PHF11: variants seen among roughly 807,000 people sequenced by gnomAD.
The protein encoded by PHF11 is PHD finger protein 11, also known as BRCA1 C-terminus-associated protein.
PHF11 carries 38 observed loss-of-function variants against 40.5 expected under a neutral mutation model. The ratio of observed to expected loss-of-function variants is 0.94; its 90% CI spans 0.72 to 1.23. PHF11 has a LOEUF of 1.23. Among genes scored for constraint, PHF11 ranks in the 50% most tolerant of loss-of-function variants. The probability of loss-of-function intolerance (pLI) is 0.00; values close to 1 mark genes in which losing one functional copy is unlikely to be tolerated. For synonymous variants in PHF11, 127 were observed against 138.2 expected (o/e 0.92, Z 0.57); for missense variants, 369 against 392.4 (o/e 0.94, Z 0.50).
intron 8 of PHF11, chr13:49,525,907 G>T (rs562065036): frequency 4.8e-6 from 2 of 413,992 alleles, no homozygotes; most frequent in Non-Finnish European, 9.6e-6. Context: ...GGTGGCTCAC[G>T]CCTGTAATCC....
At chr13:49,524,291 A>C in intron 8 of PHF11, 75 bp downstream of exon 8, 1 of 656,264 alleles carries the variant, frequency 1.5e-6, no homozygotes. Context: ...CAAACCCAAG[A>C]AAAAAAAAAA....
chr13:49,526,060 T>C, intron 8 of PHF11: 1 of 334,960 alleles, frequency 3.0e-6, no homozygotes, highest in Non-Finnish European at 5.7e-6. Context: ...TCCCAACTAC[T>C]TGGGAGGCTG....
At chr13:49,525,816 G>C (rs925023347) in intron 8 of PHF11, 65 of 456,254 alleles carry the variant, frequency 1.4e-4, no homozygotes, top group Non-Finnish European at 2.7e-4. Flanking sequence ...CACCTGTAGG[G>C]CTGGTGAGGA....
chr13:49,521,191 G>A, intron 5 of PHF11: 1 of 1,133,094 alleles, frequency 8.8e-7, no homozygotes, highest in Non-Finnish European at 1.1e-6. Context: ...TACGCTCACA[G>A]AACCAAACTA....
intron 2 of PHF11, among the ~76,000 whole-genome samples, chr13:49,507,536 C>T (rs1023188585): frequency 6.6e-6 from 1 of 152,158 alleles, no homozygotes; most frequent in Non-Finnish European, 1.5e-5. Flanking sequence ...AATTGTTAGG[C>T]ACAGGAATGG....
intron 1 of PHF11, 89 bp from the exon 2 acceptor site, chr13:49,506,546 G>T: frequency 8.8e-7 from 1 of 1,140,670 alleles, no homozygotes. Context: ...AAAAACAAGT[G>T]CCCTGCCTTC....
intron 1 of PHF11, among the ~76,000 whole-genome samples, chr13:49,499,573 A>G (rs189235303): frequency 5.8e-4 from 89 of 152,320 alleles, no homozygotes; most frequent in African/African-American, 2.0e-3. Flanking sequence ...TCATCCTGAG[A>G]TAATGTGATG....
At chr13:49,501,028 T>TTTC (rs1958900541) in intron 1 of PHF11, among the ~76,000 whole-genome samples, 4 of 144,358 alleles carry the variant, frequency 2.8e-5, no homozygotes, top group Non-Finnish European at 6.0e-5. Context: ...TTTTTTTTTT[T>TTTC]CTGAAATGGA....
chr13:49,522,762 TTTTTG>T (rs1429152982), intron 6 of PHF11, among the ~76,000 whole-genome samples: 771 of 41,204 alleles, frequency 0.019, 26 homozygotes, highest in African/African-American at 0.053. Flanking sequence ...ATATGGGGTT[TTTTTG>T]TTTTTTTTTT....
At chr13:49,501,010 T>TTTTG (rs1958896311) in intron 1 of PHF11, among the ~76,000 whole-genome samples, 7 of 121,086 alleles carry the variant, frequency 5.8e-5, no homozygotes, top group Admixed American at 5.4e-4. Context: ...GTTTTTTTTT[T>TTTTG]TTTTTGGTTT....
At position 49,528,576 on chromosome 13, in the gene PHF11, CT is replaced by C; in HGVS notation, c.909del (p.Gln304ArgfsTer3). On this transcript the variant is annotated frameshift_variant, in exon 10 of 10. Transcript: ENST00000378319. LOFTEE classifies it low-confidence loss of function (END_TRUNC). ...GCAGTTGAAGGAAGAGATTGAGCTACTTCAGGACTTAAAACAAACCTTGTGC... is the reference window on the plus strand; with the variant it reads ...GCAGTTGAAGGAAGAGATTGAGCTACTCAGGACTTAAAACAAACCTTGTGC... Reference protein sequence around the residue: ...WQQLKEEIELLQDLKQTLCSF... With the variant: ...WQQLKEEIELXQDLKQTLCSF... The C allele has an allele frequency of 6.2e-7, 1 of 1,612,176 alleles. No individual in the cohort carries two copies. Among genetic ancestry groups the C allele is most frequent in the South Asian group, 1.1e-5 (1 of 90,964 alleles).
At chr13:49,499,107 C>T (rs1383807949) in intron 1 of PHF11, among the ~76,000 whole-genome samples, 1 of 152,240 alleles carries the variant, frequency 6.6e-6, no homozygotes, top group Non-Finnish European at 1.5e-5. Flanking sequence ...CTGCATCTCT[C>T]AGTGTATCTG....
At chr13:49,504,293 A>T (rs80308910) in intron 1 of PHF11, among the ~76,000 whole-genome samples, 1 of 152,072 alleles carries the variant, frequency 6.6e-6, no homozygotes, top group African/African-American at 2.4e-5. Flanking sequence ...AAAAAAAAAA[A>T]TAACAAAAAT....
Position 49,495,986 on chromosome 13 carries a change from C to T in PHF11, c.-16C>T, listed in dbSNP as rs1218360016. 6.7e-7 allele frequency: 1 copy of T among 1,488,822 alleles called. No homozygotes were observed. The highest frequency in any genetic ancestry group is 8.9e-7 in the Non-Finnish European group (1 of 1,119,904). 92.2% of individuals were successfully genotyped at this position (1,488,822 alleles called of 1,614,324 possible). A position where few individuals can be genotyped will look rare whatever the true frequency, so the allele number is the denominator to read the frequency against. On this transcript the variant is annotated 5_prime_UTR_variant, in exon 1 of 10. Transcript: ENST00000378319. ...GATCTCGCTATCCGGCCGCCACCCG[C>T]AGCTGCAGCACAGTCATGGCCCAGG...
chr13:49,522,759 G>GTTTGT (rs1566196724), intron 6 of PHF11, among the ~76,000 whole-genome samples: 1 of 31,764 alleles, frequency 3.1e-5, no homozygotes, highest in African/African-American at 9.5e-5. Flanking sequence ...TGAATATGGG[G>GTTTGT]TTTTTTTGTT....
At chr13:49,513,298 A>G in intron 3 of PHF11, 132 bp downstream of exon 3, 1 of 517,058 alleles carries the variant, frequency 1.9e-6, no homozygotes, top group East Asian at 3.5e-5. Flanking sequence ...TAGGAACTGT[A>G]TTGGAAACCT....
At chr13:49,497,724 A>G (rs893068609) in intron 1 of PHF11, among the ~76,000 whole-genome samples, 3 of 152,186 alleles carry the variant, frequency 2.0e-5, no homozygotes, top group African/African-American at 7.2e-5. Context: ...AGAACAATCT[A>G]TGAGCCTGGC....
intron 1 of PHF11, among the ~76,000 whole-genome samples, chr13:49,502,623 G>T (rs1023315358): frequency 2.0e-5 from 3 of 152,174 alleles, no homozygotes; most frequent in African/African-American, 7.2e-5. Context: ...TGTTACATTC[G>T]TAAGTCCAGA....
At chr13:49,510,523 G>T (rs2139048973) in intron 2 of PHF11, among the ~76,000 whole-genome samples, 1 of 152,014 alleles carries the variant, frequency 6.6e-6, no homozygotes, top group East Asian at 1.9e-4. Flanking sequence ...GTCTCCCCAG[G>T]CTGGAATGGA....
Sources: allele counts gnomAD v4.1 joint callset (sites outside exome capture counted in the v4.1 genomes callset), GRCh38; gene constraint gnomAD v4.1.1; transcripts MANE v1.5; gene names NCBI Gene and HGNC (gene_info 2026-07-23, HGNC 2026-07-21).